Variants in SLC26A7 observed in about 807,000 individuals in gnomAD.
SLC26A7 encodes anion exchange transporter.
Under a neutral mutation model 82.5 loss-of-function variants are expected in SLC26A7, and 59 were observed. The observed-to-expected ratio is 0.72, with a 90% CI of 0.58 to 0.89. The LOEUF is 0.89. Among genes scored for constraint, SLC26A7 ranks in the 40% least tolerant of loss-of-function variants. The pLI is 0.00. For synonymous variants in SLC26A7, 271 were observed against 274.3 expected (o/e 0.99, Z 0.12); for missense variants, 820 against 793.0 (o/e 1.03, Z -0.41).
At chr8:91,372,872 C>G (rs545698330) in intron 15 of SLC26A7, among the ~76,000 whole-genome samples, 4 of 151,960 alleles carry the variant, frequency 2.6e-5, no homozygotes, top group East Asian at 3.9e-4. Flanking sequence ...GGATGTTTTT[C>G]CATTTGTTTG....
At chr8:91,338,261 A>ATTTG (rs745326776) in intron 7 of SLC26A7, 29 bp downstream of exon 7, 1 of 1,525,606 alleles carries the variant, frequency 6.6e-7, no homozygotes, top group East Asian at 2.3e-5. Flanking sequence ...AAAACATATT[A>ATTTG]TTTGTTTGTT....
At chr8:91,388,860 G>GT (rs565009099) in intron 15 of SLC26A7, among the ~76,000 whole-genome samples, 608 of 144,872 alleles carry the variant, frequency 4.2e-3, no homozygotes, top group African/African-American at 4.5e-3. Flanking sequence ...TAGCAATGGA[G>GT]TTTTTTTTTT....
In SLC26A7 at chr8:91,366,639, A is replaced by C. The variant is rs754096483; in HGVS notation, c.1548A>C (p.Ala516=). The C allele has an allele frequency of 1.2e-6, 2 of 1,612,894 alleles. No homozygotes were observed. The highest frequency in any genetic ancestry group is 4.5e-5 in the East Asian group (2 of 44,776). The change falls in exon 14 of 19, where the codon GCA becomes GCC. Residue 516 remains alanine, a synonymous_variant. Coordinates refer to ENST00000276609, the MANE Select transcript of SLC26A7 (RefSeq NM_052832.4). ...ACAACCCGCTTGTTTTCCTGAATGC[A>C]AAAAAATTTTATACTGATTTAATGA... is the stretch of plus-strand genomic sequence containing the variant. The part of the protein sequence containing the change: ...SINNPLVFLN[A]KKFYTDLMNM...
chr8:91,304,342 G>C (rs1812245331), intron 4 of SLC26A7, among the ~76,000 whole-genome samples: 1 of 152,154 alleles, frequency 6.6e-6, no homozygotes, highest in South Asian at 2.1e-4. Context: ...CTGTTCCTGT[G>C]ATAGTGAGTT....
intron 2 of SLC26A7, among the ~76,000 whole-genome samples, chr8:91,237,435 C>T (rs909788217): frequency 6.6e-6 from 1 of 152,122 alleles, no homozygotes. Context: ...TAACAAAAAA[C>T]TCAATTTCTT....
chr8:91,333,141 C>T (rs1813141140), intron 5 of SLC26A7, among the ~76,000 whole-genome samples: 1 of 152,094 alleles, frequency 6.6e-6, no homozygotes, highest in African/African-American at 2.4e-5. Context: ...ACATAACTAT[C>T]AACAACATTC....
At chr8:91,363,926 T>A (rs1363611026) in intron 13 of SLC26A7, among the ~76,000 whole-genome samples, 2 of 148,722 alleles carry the variant, frequency 1.3e-5, no homozygotes, top group Non-Finnish European at 3.0e-5. Flanking sequence ...TGAAGCAAAT[T>A]TGGTTCATGG....
chr8:91,271,204 T>G (rs1241287752), intron 2 of SLC26A7, among the ~76,000 whole-genome samples: 1 of 152,208 alleles, frequency 6.6e-6, no homozygotes, highest in East Asian at 1.9e-4. Flanking sequence ...CTCTCCAAAC[T>G]TTCCTAATGT....
chr8:91,241,760 G>A (rs1056364152), intron 2 of SLC26A7, among the ~76,000 whole-genome samples: 1 of 152,038 alleles, frequency 6.6e-6, no homozygotes, highest in Admixed American at 6.6e-5. Flanking sequence ...ATAATTATAA[G>A]CCCTCCATCT....
At chr8:91,238,728 C>T (rs1027891060) in intron 2 of SLC26A7, among the ~76,000 whole-genome samples, 1 of 151,946 alleles carries the variant, frequency 6.6e-6, no homozygotes, top group African/African-American at 2.4e-5. Flanking sequence ...ATATCTCTCC[C>T]TCATTCTTGA....
chr8:91,226,514 A>G (rs1810241876), intron 2 of SLC26A7, among the ~76,000 whole-genome samples: 1 of 152,220 alleles, frequency 6.6e-6, no homozygotes, highest in Non-Finnish European at 1.5e-5. Context: ...ATGGCTTCTT[A>G]TGATTACCTC....
chr8:91,246,884 C>T (rs1367888685), upstream of SLC26A7, among the ~76,000 whole-genome samples: 3 of 152,300 alleles, frequency 2.0e-5, no homozygotes, highest in Non-Finnish European at 2.9e-5. Flanking sequence ...TTATCACATT[C>T]TGCCTTGAGT....
chr8:91,249,517 T>C (rs1275687765), intron 1 of SLC26A7, 22 bp from the exon 2 acceptor site: 6 of 558,492 alleles, frequency 1.1e-5, no homozygotes, highest in Non-Finnish European at 1.7e-5. Context: ...CTCTCTCTTT[T>C]ATTTACTTAT....
At chr8:91,260,382 C>T (rs1018171080) in intron 2 of SLC26A7, among the ~76,000 whole-genome samples, 2 of 152,062 alleles carry the variant, frequency 1.3e-5, no homozygotes, top group Non-Finnish European at 2.9e-5. Context: ...TGACACATGT[C>T]GATTATGGAG....
At chr8:91,295,253 A>G (rs1351153323) in intron 3 of SLC26A7, among the ~76,000 whole-genome samples, 2 of 152,178 alleles carry the variant, frequency 1.3e-5, no homozygotes, top group Non-Finnish European at 2.9e-5. Context: ...GACATTCTTT[A>G]TGCCAATCTG....
intron 5 of SLC26A7, among the ~76,000 whole-genome samples, chr8:91,322,028 A>G (rs1812803647): frequency 6.6e-6 from 1 of 152,208 alleles, no homozygotes; most frequent in Non-Finnish European, 1.5e-5. Flanking sequence ...GAATAGTTCA[A>G]TGTAAAAAAT....
At chr8:91,234,574 T>C (rs1245602983) in intron 2 of SLC26A7, among the ~76,000 whole-genome samples, 1 of 152,132 alleles carries the variant, frequency 6.6e-6, no homozygotes, top group East Asian at 1.9e-4. Flanking sequence ...ACTTGCTCCA[T>C]TCTCAAGTCC....
At chr8:91,290,213 G>T (rs1293438084) in intron 3 of SLC26A7, among the ~76,000 whole-genome samples, 1 of 152,108 alleles carries the variant, frequency 6.6e-6, no homozygotes, top group East Asian at 1.9e-4. Context: ...CATGATCTCA[G>T]CCTCTAAGTA....
intron 4 of SLC26A7, among the ~76,000 whole-genome samples, chr8:91,315,375 A>G (rs564267698): frequency 6.6e-6 from 1 of 151,862 alleles, no homozygotes; most frequent in African/African-American, 2.4e-5. Context: ...AGAGAAATAC[A>G]TGGGAATAAT....
Sources: gnomAD v4.1 joint callset for allele counts (sites outside exome capture counted in the v4.1 genomes callset) on GRCh38, gnomAD v4.1.1 for gene constraint, MANE v1.5 for transcripts, NCBI Gene and HGNC (gene_info 2026-07-23, HGNC 2026-07-21) for gene names.